Variants in TEX38 observed in about 807,000 individuals in gnomAD.
TEX38 encodes testis-expressed protein 38.
TEX38 carries 5 observed loss-of-function variants against 2.7 expected under a neutral mutation model. The observed-to-expected ratio is 1.86, with a 90% CI of 0.97 to 3.90. The LOEUF is 3.90. Among genes scored for constraint, TEX38 ranks in the 30% most tolerant of loss-of-function variants. The pLI is 0.00. For synonymous variants in TEX38, 110 were observed against 103.3 expected (o/e 1.06, Z -0.39); for missense variants, 218 against 247.9 (o/e 0.88, Z 0.81).
chr1:46,672,269 A>C (rs1569656999), intron 1 of TEX38, among the ~76,000 whole-genome samples: 1 of 144,734 alleles, frequency 6.9e-6, no homozygotes, highest in Non-Finnish European at 1.5e-5. Flanking sequence ...TTTTGAGATG[A>C]AGTTTTGCTC....
chr1:46,672,947 T>C lies in TEX38; in HGVS notation c.112T>C (p.Trp38Arg), dbSNP rs978001820. 1.0e-5 allele frequency: 16 copies of C among 1,551,590 alleles called. No individual in the cohort carries two copies. Among genetic ancestry groups the C allele is most frequent in the Non-Finnish European group, 1.3e-5 (15 of 1,147,016 alleles). Residue 38 changes from tryptophan to arginine, a missense_variant, in exon 2 of 2, where the codon TGG (tryptophan) becomes CGG (arginine). Physicochemically the swap from Trp to Arg is moderately radical, Grantham distance 101 (BLOSUM62 -3). Transcript: ENST00000334122. ...ITGGCIIFLH[W>R]RKNLRREEHA... Reference sequence around the variant, plus strand: ...TGGAGGGTGCATTATCTTTCTGCACTGGAGGAAGAACTTGAGGCGGGAAGA... The same window carrying C: ...TGGAGGGTGCATTATCTTTCTGCACCGGAGGAAGAACTTGAGGCGGGAAGA...
rs1224160727 is a variant in TEX38 at position 46,673,447 on chromosome 1, A to G, written c.612A>G (p.Ser204=). ...GCTTCAATGCCAAGCCTTTTCCTTCAGAACTGTAGCCTCCTCTCACTGAAG... is the reference window on the plus strand; with the variant it reads ...GCTTCAATGCCAAGCCTTTTCCTTCGGAACTGTAGCCTCCTCTCACTGAAG... The part of the protein sequence containing the change: ...DHSFNAKPFP[S]EL The change falls in exon 2 of 2, where the codon TCA becomes TCG. Residue 204 remains serine, a synonymous_variant. Coordinates refer to ENST00000334122, the MANE Select transcript of TEX38 (RefSeq NM_001145474.4). 6.5e-7 allele frequency: 1 copy of G among 1,547,918 alleles called. No homozygotes were observed. Among genetic ancestry groups the G allele is most frequent in the Admixed American group, 2.0e-5 (1 of 50,898 alleles).
chr1:46,671,956 C>G lies in TEX38; in HGVS notation c.22C>G (p.Leu8Val). The change falls in exon 1 of 2, where the codon CTG becomes GTG. Residue 8 changes from leucine (L) to valine (V), a missense_variant. By Grantham distance (32) the Leu-to-Val change is conservative (BLOSUM62 1). Transcript: ENST00000334122. ...CTGTATGGATTCCCAACAGGAGGAC[C>G]TGCGCTTCCCTGGGAGTAAGTGCTC... MDSQQED[L>V]RFPGMWVSLY... 1 of 1,543,242 alleles carries G rather than the reference C, an allele frequency of 6.5e-7. No individual in the cohort carries two copies.
At chr1:46,669,593 C>G, upstream of TEX38, 1 of 433,806 alleles carries the variant, frequency 2.3e-6, no homozygotes, top group Non-Finnish European at 4.7e-6. Flanking sequence ...TTCTTAGATC[C>G]TTGTTTATAT....
In TEX38 at chr1:46,673,308, C is replaced by G; in HGVS notation, c.473C>G (p.Pro158Arg). 6.4e-7 allele frequency: 1 copy of G among 1,551,824 alleles called. No individual in the cohort carries two copies. Among genetic ancestry groups the G allele is most frequent in the East Asian group, 2.4e-5 (1 of 40,918 alleles). The change falls in exon 2 of 2, where the codon CCC becomes CGC. Residue 158 changes from proline (P) to arginine (R), a missense_variant. Coordinates refer to ENST00000334122, the MANE Select transcript of TEX38 (RefSeq NM_001145474.4). ...TTTCAGGAGGTGCCCTTTGCCCCAC[C>G]CTTGTGCAACCTACCCCCCCTGCTG... ...PIFQEVPFAP[P>R]LCNLPPLLNH...
At chr1:46,672,109 C>T (rs1676592581) in intron 1 of TEX38, 138 bp downstream of exon 1, 1 of 797,272 alleles carries the variant, frequency 1.3e-6, no homozygotes, top group Middle Eastern at 3.8e-4. Flanking sequence ...ATAGTCTACT[C>T]TAGAAAACTA....
upstream of TEX38, among the ~76,000 whole-genome samples, chr1:46,669,984 G>C (rs1368023860): frequency 1.3e-5 from 2 of 152,176 alleles, no homozygotes; most frequent in East Asian, 3.8e-4. Flanking sequence ...CTTTTTAAAA[G>C]GATCATGCTG....
chr1:46,670,759 T>A (rs180807440), upstream of TEX38, among the ~76,000 whole-genome samples: 1 of 152,144 alleles, frequency 6.6e-6, no homozygotes, highest in Non-Finnish European at 1.5e-5. Flanking sequence ...CTGTGCTAAA[T>A]AGTTCCCTAA....
Position 46,673,316 on chromosome 1 carries a change from A to C in TEX38, c.481A>C (p.Asn161His). 1 of 1,551,620 alleles carries C rather than the reference A, an allele frequency of 6.4e-7. No homozygotes were observed. The highest frequency in any genetic ancestry group is 8.7e-7 in the Non-Finnish European group (1 of 1,146,978). ...QEVPFAPPLC[N>H]LPPLLNHSVS... is the part of the protein sequence containing the mutation. ...GGTGCCCTTTGCCCCACCCTTGTGCAACCTACCCCCCCTGCTGAACCACTC... is the reference window on the plus strand; with the variant it reads ...GGTGCCCTTTGCCCCACCCTTGTGCCACCTACCCCCCCTGCTGAACCACTC... The change falls in exon 2 of 2, where the codon AAC becomes CAC. Residue 161 changes from asparagine to histidine, a missense_variant. Physicochemically the swap from Asn to His is moderately conservative, Grantham distance 68 (BLOSUM62 1). Coordinates refer to ENST00000334122, the MANE Select transcript of TEX38 (RefSeq NM_001145474.4).
chr1:46,673,160 G>A lies in TEX38; in HGVS notation c.325G>A (p.Glu109Lys), dbSNP rs767244664. 2.3e-5 allele frequency: 35 copies of A among 1,551,498 alleles called. No individual in the cohort carries two copies. Among genetic ancestry groups the A allele is most frequent in the Non-Finnish European group, 2.8e-5 (32 of 1,146,956 alleles). ...PDVLWDLDIPEGRSHADQDSN... is the reference protein window; with the variant it reads ...PDVLWDLDIPKGRSHADQDSN... Reference sequence around the variant, plus strand: ...TGTTCTGTGGGATTTGGACATCCCCGAAGGCAGGAGCCATGCTGACCAAGA... The same window carrying A: ...TGTTCTGTGGGATTTGGACATCCCCAAAGGCAGGAGCCATGCTGACCAAGA... The change falls in exon 2 of 2, where the codon GAA becomes AAA. Residue 109 changes from glutamate (E) to lysine (K), a missense_variant. Physicochemically the swap from Glu to Lys is moderately conservative, Grantham distance 56. Transcript: ENST00000334122.
chr1:46,672,382 C>T (rs553451299), intron 1 of TEX38, among the ~76,000 whole-genome samples: 1 of 152,040 alleles, frequency 6.6e-6, no homozygotes, highest in Non-Finnish European at 1.5e-5. Flanking sequence ...GTAGCTGGGA[C>T]TGCAGGCATG....
chr1:46,671,494 G>T (rs539313260), upstream of TEX38, among the ~76,000 whole-genome samples: 1 of 152,302 alleles, frequency 6.6e-6, no homozygotes, highest in South Asian at 2.1e-4. Context: ...TGAGAACAGG[G>T]CTGCCCAATG....
chr1:46,668,888 C>A (rs932755775), upstream of TEX38: 2 of 157,042 alleles, frequency 1.3e-5, no homozygotes, highest in Non-Finnish European at 2.8e-5. The surrounding 1 kb of genome is among the most constrained non-coding windows in gnomAD (Gnocchi z 4.4). Context: ...CAAGTTCTAC[C>A]CGACAGCTGA....
Position 46,673,363 on chromosome 1 carries a change from C to G in TEX38, c.528C>G (p.Thr176=), listed in dbSNP as rs1184031092. 1 of 1,551,932 alleles carries G rather than the reference C, an allele frequency of 6.4e-7. No homozygotes were observed. Among genetic ancestry groups the G allele is most frequent in the South Asian group, 1.2e-5 (1 of 84,062 alleles). Residue 176 remains threonine, a synonymous_variant, in exon 2 of 2, where the codon ACC becomes ACG. Coordinates refer to ENST00000334122, the MANE Select transcript of TEX38 (RefSeq NM_001145474.4). ...ACTCTGTCTCCTATCCTTTGGCCAC[C>G]TGTCCTGAAAGGAATGTTCTCTTCC... ...LNHSVSYPLA[T]CPERNVLFHS...
chr1:46,672,860 C>T lies in TEX38; in HGVS notation c.38-13C>T, dbSNP rs1435293632. 3 of 1,537,934 alleles carry T rather than the reference C, an allele frequency of 2.0e-6. No individual in the cohort carries two copies. The highest frequency in any genetic ancestry group is 4.1e-5 in the Admixed American group (2 of 49,324). On this transcript the variant is annotated splice_polypyrimidine_tract_variant and intron_variant, in intron 1 of 1. Coordinates refer to ENST00000334122, the MANE Select transcript of TEX38 (RefSeq NM_001145474.4). ...TCAGCCAGCATGCCTCTTTTTCTTT[C>T]TTGCTGCCTTAGTGTGGGTCTCATT...
In TEX38 at chr1:46,671,883, G is replaced by A; in HGVS notation, c.-52G>A. 5.2e-6 allele frequency: 8 copies of A among 1,541,352 alleles called. No individual in the cohort carries two copies. The highest frequency in any genetic ancestry group is 7.0e-6 in the Non-Finnish European group (8 of 1,137,722). On this transcript the variant is annotated 5_prime_UTR_variant, in exon 1 of 2. Transcript: ENST00000334122. ...GGGCTGACTGGCTGGGCAGATGGGT[G>A]GGTGAGTTCCCTCTCCCCAGAGCCA...
At chr1:46,671,212 A>G (rs1007406769), upstream of TEX38, among the ~76,000 whole-genome samples, 5 of 152,130 alleles carry the variant, frequency 3.3e-5, no homozygotes, top group African/African-American at 1.2e-4. Context: ...GCATGGGCAC[A>G]CCTCCAGAGA....
At position 46,673,101 on chromosome 1, in the gene TEX38, T is replaced by C. The variant is rs1394303363; in HGVS notation, c.266T>C (p.Val89Ala). The change falls in exon 2 of 2, where the codon GTC (valine) becomes GCC (alanine). Residue 89 changes from valine (V) to alanine (A), a missense_variant. Coordinates refer to ENST00000334122, the MANE Select transcript of TEX38 (RefSeq NM_001145474.4). ...ATCAACACGGGCCCTGCCCCTGCTG[T>C]CACCAAGACTGAGACTGAGGTCCAG... ...AAINTGPAPA[V>A]TKTETEVQNP... is the part of the protein sequence containing the mutation. The C allele has an allele frequency of 5.2e-6, 8 of 1,551,746 alleles. No homozygotes were observed. The highest frequency in any genetic ancestry group is 1.2e-5 in the South Asian group (1 of 84,046).
chr1:46,673,238 G>A lies in TEX38; in HGVS notation c.403G>A (p.Ala135Thr). 2 of 1,550,802 alleles carry A rather than the reference G, an allele frequency of 1.3e-6. No homozygotes were observed. The change falls in exon 2 of 2, where the codon GCT (alanine) becomes ACT (threonine). Residue 135 changes from alanine (A) to threonine (T), a missense_variant. Transcript: ENST00000334122. Reference protein sequence around the residue: ...PAPLQPALQLAPQQPQARSPF... With the variant: ...PAPLQPALQLTPQQPQARSPF... ...TCCCCTGCAACCTGCACTGCAGCTG[G>A]CTCCACAGCAGCCCCAGGCCAGATC...
Sources: allele counts gnomAD v4.1 joint callset (sites outside exome capture counted in the v4.1 genomes callset), GRCh38; gene constraint gnomAD v4.1.1; non-coding constraint Gnocchi (gnomAD v3.1); transcripts MANE v1.5; gene names NCBI Gene and HGNC (gene_info 2026-07-23, HGNC 2026-07-21).